Variants in TRAM2 observed in about 807,000 individuals in gnomAD.
TRAM2 encodes translocating chain-associated membrane protein 2.
In TRAM2, 12 loss-of-function variants were observed where a neutral mutation model predicts 51.0. The ratio of observed to expected loss-of-function variants is 0.24; its 90% CI spans 0.15 to 0.38. The LOEUF (loss-of-function observed/expected upper bound fraction) is 0.38. Ranked by LOEUF, TRAM2 falls within the 10% of genes least tolerant of loss-of-function variation. The pLI, the probability that TRAM2 is intolerant of heterozygous loss-of-function variation, is 1.00. For missense variants in TRAM2, 361 were observed against 462.0 expected (o/e 0.78, Z 2.00); for synonymous variants, 175 against 179.4 (o/e 0.98, Z 0.20).
chr6:52,551,116 C>T (rs545782721), intron 1 of TRAM2, among the ~76,000 whole-genome samples: 2 of 152,274 alleles, frequency 1.3e-5, no homozygotes, highest in South Asian at 4.1e-4. Context: ...CTGAGTTTTT[C>T]AAGGGGGCCT....
At chr6:52,516,176 C>T (rs1766544990) in intron 3 of TRAM2, 54 bp from the exon 4 acceptor site, 2 of 1,536,286 alleles carry the variant, frequency 1.3e-6, no homozygotes, top group Non-Finnish European at 1.8e-6. Flanking sequence ...CCATATTGGG[C>T]AGGTTTCAAA....
intron 9 of TRAM2, 91 bp from the exon 10 acceptor site, chr6:52,504,845 TGC>T: frequency 1.0e-5 from 13 of 1,242,638 alleles, no homozygotes; most frequent in African/African-American, 1.5e-5. Flanking sequence ...CCAGGGGCCC[TGC>T]AGTTCCCATG....
rs56919932 is a variant in TRAM2 at position 52,541,803 on chromosome 6, G to GTTTTTTTTTTTTTTTTTTTTTTTT, written c.121-5958_121-5957insAAAAAAAAAAAAAAAAAAAAAAAA. On this transcript the variant is annotated intron_variant, in intron 1 of 10. Coordinates refer to ENST00000182527, the MANE Select transcript of TRAM2 (RefSeq NM_012288.4). ...TAAATCCTTTGGTTCAGTTTATTCT[G>GTTTTTTTTTTTTTTTTTTTTTTTT]TTTTTTTTTTTTTTGGCAGACACAT... is the stretch of plus-strand genomic sequence containing the variant. Among the ~76,000 whole-genome samples, 18 of 138,694 alleles carry GTTTTTTTTTTTTTTTTTTTTTTTT rather than the reference G, an allele frequency of 1.3e-4. 1 individual carries two copies. Among genetic ancestry groups the GTTTTTTTTTTTTTTTTTTTTTTTT allele is most frequent in the East Asian group, 2.0e-4 (1 of 4,912 alleles). The allele number at this position is 138,694 out of a possible 152,430, so 91.0% of individuals were successfully genotyped here. A position where few individuals can be genotyped will look rare whatever the true frequency, so the allele number is the denominator to read the frequency against.
intron 2 of TRAM2, among the ~76,000 whole-genome samples, chr6:52,530,971 G>A (rs542326593): frequency 3.0e-4 from 45 of 152,256 alleles, no homozygotes; most frequent in Non-Finnish European, 5.7e-4. Context: ...AACATCCGCT[G>A]AGGAAGACAC....
chr6:52,541,803 G>GTTTTTTTTTTTTTTTTTTTTTTTTTTT (rs56919932), intron 1 of TRAM2, among the ~76,000 whole-genome samples: 9 of 138,700 alleles, frequency 6.5e-5, no homozygotes, highest in African/African-American at 1.1e-4. Context: ...AGTTTATTCT[G>GTTTTTTTTTTTTTTTTTTTTTTTTTTT]TTTTTTTTTT....
chr6:52,576,689 G>A (rs112031752), intron 1 of TRAM2, 107 bp downstream of exon 1: 7 of 1,433,046 alleles, frequency 4.9e-6, no homozygotes, highest in Non-Finnish European at 6.6e-6. Flanking sequence ...GTACACGGCA[G>A]CCAGGAGCCT....
At chr6:52,526,267 T>C (rs1232270582) in intron 2 of TRAM2, among the ~76,000 whole-genome samples, 1 of 151,866 alleles carries the variant, frequency 6.6e-6, no homozygotes, top group Admixed American at 6.6e-5. Context: ...CCACATTGCA[T>C]GCTTTGTAAT....
intron 1 of TRAM2, among the ~76,000 whole-genome samples, chr6:52,559,598 G>A (rs116128005): frequency 1.6e-3 from 248 of 152,308 alleles, no homozygotes; most frequent in Middle Eastern, 3.4e-3. Context: ...AAAGCAGGTA[G>A]TAAATACAGA....
rs377433311 is a variant in TRAM2 at position 52,516,017 on chromosome 6, C to T, written c.400G>A (p.Val134Met). The change falls in exon 4 of 11, where the codon GTG becomes ATG. Residue 134 changes from valine (V) to methionine (M), a missense_variant. Transcript: ENST00000182527. ...TGAGAATGGCTCACCGTCACCACCA[C>T]GTAGAAGCACCAAATCACCGAGGTG... The part of the protein sequence containing the change: ...HFTSVIWCFY[V>M]VVTEGYLTNP... The T allele has an allele frequency of 1.9e-5, 31 of 1,614,040 alleles. No homozygotes were observed. Among genetic ancestry groups the T allele is most frequent in the Non-Finnish European group, 1.9e-5 (23 of 1,180,020 alleles).
chr6:52,522,610 G>A (rs978627244), intron 2 of TRAM2, among the ~76,000 whole-genome samples: 2 of 152,140 alleles, frequency 1.3e-5, no homozygotes, highest in Admixed American at 6.5e-5. Context: ...TATGGAGTAC[G>A]CCAATATGCT....
In TRAM2 at chr6:52,501,963, G is replaced by A. The variant is rs913444458; in HGVS notation, c.*1234C>T. ...GAGGGGAAAGAATCTGTGAGGGAAG[G>A]GGCCAGAAAGGCGCCTATCATCTAC... On this transcript the variant is annotated 3_prime_UTR_variant, in exon 11 of 11. Transcript: ENST00000182527. 7 of 152,244 alleles carry A rather than the reference G, an allele frequency of 4.6e-5. 1 individual carries two copies. In the South Asian group the frequency reaches 1.5e-3, roughly 32 times the overall value. The allele number at this position is 152,244 out of a possible 1,614,324, so 9.4% of individuals were successfully genotyped here.
chr6:52,539,114 G>A (rs970734994), intron 1 of TRAM2, among the ~76,000 whole-genome samples: 7 of 152,204 alleles, frequency 4.6e-5, no homozygotes, highest in Admixed American at 1.3e-4. Flanking sequence ...GCACATCATA[G>A]TCATCCTACG....
At chr6:52,520,080 G>C (rs369147864) in intron 2 of TRAM2, among the ~76,000 whole-genome samples, 3 of 152,168 alleles carry the variant, frequency 2.0e-5, no homozygotes, top group African/African-American at 7.2e-5. Flanking sequence ...GTATAATAAC[G>C]TGAATGTACT....
intron 2 of TRAM2, among the ~76,000 whole-genome samples, chr6:52,528,980 T>TC (rs1184037716): frequency 6.7e-6 from 1 of 149,234 alleles, no homozygotes; most frequent in Non-Finnish European, 1.5e-5. Context: ...AACCTCCGCC[T>TC]CCTGGGTTCA....
At chr6:52,555,271 C>G (rs1477274957) in intron 1 of TRAM2, among the ~76,000 whole-genome samples, 1 of 151,778 alleles carries the variant, frequency 6.6e-6, no homozygotes, top group African/African-American at 2.4e-5. Flanking sequence ...CACCTGTGCC[C>G]TGGCTTCTAC....
intron 4 of TRAM2, 110 bp from the exon 5 acceptor site, chr6:52,509,696 GAGGA>G: frequency 2.2e-6 from 2 of 912,588 alleles, no homozygotes; most frequent in Non-Finnish European, 3.5e-6. Context: ...CTGACAGAAA[GAGGA>G]AGGAACAGGA....
In TRAM2 at chr6:52,563,280, T is replaced by G. The variant is rs558957932; in HGVS notation, c.120+13516A>C. ...TATTCTGTTAACTGAAAAGGCAAGG[T>G]GCAAAAGTATAAATAATACACTTCA... On this transcript the variant is annotated intron_variant, in intron 1 of 10. Coordinates refer to ENST00000182527, the MANE Select transcript of TRAM2 (RefSeq NM_012288.4). Among the ~76,000 whole-genome samples, 187 of 152,200 alleles carry G rather than the reference T, an allele frequency of 1.2e-3. 3 individuals are homozygous for G. The South Asian group carries it at 0.023, about 19-fold the overall frequency.
intron 1 of TRAM2, among the ~76,000 whole-genome samples, chr6:52,536,725 A>AGCGTTGTTCAAAGCTCCCC (rs1210158111): frequency 2.0e-5 from 3 of 152,120 alleles, no homozygotes; most frequent in Non-Finnish European, 4.4e-5. Context: ...CCCAGCTGCT[A>AGCGTTGTTCAAAGCTCCCC]GCGTTGTTCA....
At chr6:52,524,284 A>G (rs72925280) in intron 2 of TRAM2, 24,720 of 152,078 alleles carry the variant, frequency 0.16, 2,072 homozygotes, top group African/African-American at 0.18. Flanking sequence ...TATTTGGTGG[A>G]GAAAAAAGCC....
Sources: gnomAD v4.1 joint callset for allele counts (sites outside exome capture counted in the v4.1 genomes callset) on GRCh38, gnomAD v4.1.1 for gene constraint, MANE v1.5 for transcripts, NCBI Gene and HGNC (gene_info 2026-07-23, HGNC 2026-07-21) for gene names.